The following PDE1A variants were observed in gnomAD, a reference collection of about 807,000 sequenced individuals.
The protein encoded by PDE1A is phosphodiesterase 1A.
PDE1A carries 35 observed loss-of-function variants against 61.7 expected under a neutral mutation model. That is an observed-to-expected ratio of 0.57 (90% CI 0.43 to 0.75). The LOEUF is 0.75. Among genes scored for constraint, PDE1A ranks in the 30% least tolerant of loss-of-function variants. The pLI is 0.00. For synonymous variants in PDE1A, 232 were observed against 213.2 expected (o/e 1.09, Z -0.77); for missense variants, 597 against 630.6 (o/e 0.95, Z 0.57).
the PDE1A span, among the ~76,000 whole-genome samples, chr2:182,662,197 T>C: frequency 6.8e-6 from 1 of 147,348 alleles, no homozygotes; most frequent in East Asian, 2.0e-4. Flanking sequence ...TTGAGAAACT[T>C]GATATTGCAC....
intron 10 of PDE1A, among the ~76,000 whole-genome samples, chr2:182,195,171 A>AG (rs778220867): frequency 1.3e-5 from 2 of 152,150 alleles, no homozygotes; most frequent in Non-Finnish European, 2.9e-5. Context: ...TTCAGCGTTA[A>AG]GTAACTATCA....
the PDE1A span, among the ~76,000 whole-genome samples, chr2:182,611,110 C>G: frequency 6.6e-6 from 1 of 152,114 alleles, no homozygotes. Flanking sequence ...CTTACAGGGC[C>G]CAGTTTCTTC....
chr2:182,446,247 C>A (rs1239711185), intron 2 of PDE1A, among the ~76,000 whole-genome samples: 1 of 152,106 alleles, frequency 6.6e-6, no homozygotes, highest in Non-Finnish European at 1.5e-5. Context: ...ATTACCACAT[C>A]TCCTGCCTAG....
intron 13 of PDE1A, among the ~76,000 whole-genome samples, chr2:182,168,908 G>A (rs1691862333): frequency 6.6e-6 from 1 of 151,918 alleles, no homozygotes; most frequent in Admixed American, 6.6e-5. Flanking sequence ...GTTATAACAC[G>A]ATTTTCAGGT....
At chr2:182,712,603 C>G in the PDE1A span, among the ~76,000 whole-genome samples, 1 of 152,196 alleles carries the variant, frequency 6.6e-6, no homozygotes, top group South Asian at 2.1e-4. Context: ...GTTGCCTAAG[C>G]TGGAGTGCAG....
chr2:182,666,326 A>G, the PDE1A span, among the ~76,000 whole-genome samples: 8 of 152,204 alleles, frequency 5.3e-5, no homozygotes, highest in Non-Finnish European at 1.0e-4. Flanking sequence ...TTAAAAAATC[A>G]TAGACAAGGG....
At chr2:182,546,209 C>T in the PDE1A span, among the ~76,000 whole-genome samples, 5 of 152,104 alleles carry the variant, frequency 3.3e-5, no homozygotes, top group South Asian at 2.1e-4. Context: ...AGGGGCAGAT[C>T]AGGAGGATGA....
chr2:182,505,427 T>A (rs968679432), intron 2 of PDE1A, among the ~76,000 whole-genome samples: 4 of 152,184 alleles, frequency 2.6e-5, no homozygotes. Context: ...CCCACATAGA[T>A]ATACCAAAAA....
chr2:182,570,722 T>C, the PDE1A span, among the ~76,000 whole-genome samples: 1 of 152,184 alleles, frequency 6.6e-6, no homozygotes, highest in African/African-American at 2.4e-5. Context: ...ATTGGAGCAA[T>C]ATATGTCCTT....
At chr2:182,420,192 C>CT (rs1394821821) in intron 1 of PDE1A, among the ~76,000 whole-genome samples, 1 of 151,910 alleles carries the variant, frequency 6.6e-6, no homozygotes, top group South Asian at 2.1e-4. Flanking sequence ...GCAAGAGTCT[C>CT]TTTTTTTCTG....
At chr2:182,223,775 T>A (rs1688920640) in intron 7 of PDE1A, 89 bp downstream of exon 7, 4 of 718,296 alleles carry the variant, frequency 5.6e-6, no homozygotes, top group Middle Eastern at 3.8e-4. Flanking sequence ...TTAGAATCTT[T>A]ATTATTTTTT....
chr2:182,502,613 C>T (rs1264874103), intron 2 of PDE1A, among the ~76,000 whole-genome samples: 1 of 151,782 alleles, frequency 6.6e-6, no homozygotes, highest in Non-Finnish European at 1.5e-5. Context: ...ATCCCAAAAG[C>T]ATGGATTTAA....
At chr2:182,335,304 G>A (rs1027946953) in intron 1 of PDE1A, among the ~76,000 whole-genome samples, 1 of 152,082 alleles carries the variant, frequency 6.6e-6, no homozygotes, top group Admixed American at 6.5e-5. Flanking sequence ...AGCCCATACA[G>A]CCAAGACAAT....
chr2:182,466,713 C>T (rs769804135), intron 2 of PDE1A, among the ~76,000 whole-genome samples: 3 of 151,958 alleles, frequency 2.0e-5, no homozygotes, highest in Non-Finnish European at 4.4e-5. Flanking sequence ...TTCATCACTC[C>T]ATTCTCAGGA....
chr2:182,496,105 G>A (rs779394937), intron 2 of PDE1A, among the ~76,000 whole-genome samples: 13 of 152,098 alleles, frequency 8.5e-5, no homozygotes, highest in Admixed American at 2.0e-4. Context: ...CCTATTAGAG[G>A]AAAGACTGTC....
intron 1 of PDE1A, among the ~76,000 whole-genome samples, chr2:182,384,458 AAATAATAATAAT>A (rs112896044): frequency 3.7e-4 from 52 of 141,916 alleles, no homozygotes; most frequent in Admixed American, 2.5e-3. Flanking sequence ...AATAAAGAGA[AAATAATAATAAT>A]AATAATAATA....
chr2:182,140,780 C>T (rs554906561), exon 15 of PDE1A: 16 of 151,886 alleles, frequency 1.1e-4, no homozygotes, highest in African/African-American at 3.4e-4. Flanking sequence ...TGACTTTCTA[C>T]TAATTAGTGC....
downstream of PDE1A, chr2:182,147,035 C>A (rs780035954): frequency 1.8e-5 from 22 of 1,214,692 alleles, no homozygotes; most frequent in Admixed American, 3.7e-4. Context: ...AATAAAATTA[C>A]CTCTCATGTT....
intron 1 of PDE1A, among the ~76,000 whole-genome samples, chr2:182,325,778 G>A (rs770858513): frequency 1.3e-5 from 2 of 152,064 alleles, no homozygotes; most frequent in Non-Finnish European, 2.9e-5. Flanking sequence ...AATTAGCCTG[G>A]CATGGTGGTG....
Sources: gnomAD v4.1 joint callset for allele counts (sites outside exome capture counted in the v4.1 genomes callset) on GRCh38, gnomAD v4.1.1 for gene constraint, MANE v1.5 for transcripts, NCBI Gene and HGNC (gene_info 2026-07-23, HGNC 2026-07-21) for gene names.